The following NSD2 variants were observed in gnomAD, a reference collection of about 807,000 sequenced individuals.
NSD2 encodes the protein nuclear receptor binding SET domain protein 2, also known as histone-lysine N-methyltransferase NSD2.
Under a neutral mutation model 139.0 loss-of-function variants are expected in NSD2, and 12 were observed. The ratio of observed to expected loss-of-function variants is 0.09; its 90% CI spans 0.06 to 0.14. The LOEUF (loss-of-function observed/expected upper bound fraction) is 0.14, where lower values mean the gene tolerates loss of function less well. Ranked by LOEUF, NSD2 falls within the 10% of genes least tolerant of loss-of-function variation. The pLI is 1.00. For synonymous variants in NSD2, 669 were observed against 648.7 expected (o/e 1.03, Z -0.48); for missense variants, 1,155 against 1,745.0 (o/e 0.66, Z 6.02).
chr4:1,940,514 G>C (rs1240683943), intron 9 of NSD2: 1 of 1,064,452 alleles, frequency 9.4e-7, no homozygotes, highest in Non-Finnish European at 1.1e-6. Flanking sequence ...ACACTTTTTT[G>C]TTCGGAGGTA....
intron 1 of NSD2, among the ~76,000 whole-genome samples, chr4:1,875,280 CTT>C (rs749123768): frequency 9.3e-4 from 118 of 126,512 alleles, no homozygotes; most frequent in African/African-American, 1.2e-3. Flanking sequence ...TAGCTTTTTA[CTT>C]TTTTTTTTTT....
Position 1,930,773 on chromosome 4 carries a change from A to G in NSD2, c.1555+3A>G. ...TGTCCAGGCTGAAGAAGACTCTGGT[A>G]AACATAGCATTATGCTGATGTCCTC... On this transcript the variant is annotated splice_donor_region_variant and intron_variant, in intron 6 of 21. Coordinates refer to ENST00000508803, the MANE Select transcript of NSD2 (RefSeq NM_001042424.3). The G allele has an allele frequency of 6.2e-7, 1 of 1,612,494 alleles. No individual in the cohort carries two copies. The highest frequency in any genetic ancestry group is 8.5e-7 in the Non-Finnish European group (1 of 1,179,284).
At chr4:1,964,252 C>T (rs1297883399) in intron 18 of NSD2, among the ~76,000 whole-genome samples, 2 of 152,014 alleles carry the variant, frequency 1.3e-5, no homozygotes, top group Admixed American at 6.6e-5. Flanking sequence ...CAAACAGCAG[C>T]GGAGGTTAAA....
In NSD2 at chr4:1,976,210, T is replaced by G. The variant is rs893478450; in HGVS notation, c.3622-265T>G. On this transcript the variant is annotated intron_variant, in intron 20 of 21. Coordinates refer to ENST00000508803, the MANE Select transcript of NSD2 (RefSeq NM_001042424.3). The surrounding 1 kb of genome is among the most constrained non-coding windows in gnomAD (Gnocchi z 5.3). ...CATCAGCAGATCCTGGAGCTGTGTG[T>G]CTGCTGAGATGCTGCTGAGATGCGT... 3 of 471,522 alleles carry G rather than the reference T, an allele frequency of 6.4e-6. No individual in the cohort carries two copies. Among genetic ancestry groups the G allele is most frequent in the African/African-American group, 5.9e-5 (3 of 50,978 alleles). The allele number at this position is 471,522 out of a possible 1,614,324, so 29.2% of individuals were successfully genotyped here. A position where few individuals can be genotyped will look rare whatever the true frequency, so the allele number is the denominator to read the frequency against.
At chr4:1,964,734 C>G (rs990895460) in intron 18 of NSD2, among the ~76,000 whole-genome samples, 1 of 152,156 alleles carries the variant, frequency 6.6e-6, no homozygotes, top group Non-Finnish European at 1.5e-5. Flanking sequence ...TTGCCCCCCT[C>G]TTTCATTTTT....
chr4:1,942,428 T>C lies in NSD2; in HGVS notation c.1881+2650T>C. ...ATGATGTAATATTCCAGGATGCTGC[T>C]GCAGGTGGCGTATCATCGTACACAC... is the stretch of plus-strand genomic sequence containing the variant. On this transcript the variant is annotated intron_variant, in intron 9 of 21. Transcript: ENST00000508803. The surrounding 1 kb of genome is among the most constrained non-coding windows in gnomAD (Gnocchi z 4.0). 1 of 1,603,622 alleles carries C rather than the reference T, an allele frequency of 6.2e-7. No individual in the cohort carries two copies. Among genetic ancestry groups the C allele is most frequent in the South Asian group, 1.1e-5 (1 of 88,464 alleles).
At chr4:1,940,174 G>T in intron 9 of NSD2, 1 of 1,092,762 alleles carries the variant, frequency 9.2e-7, no homozygotes, top group Non-Finnish European at 1.1e-6. Context: ...ACTGGGTGGG[G>T]TGGAAGGCGA....
At chr4:1,875,570 T>C (rs1714188997) in intron 1 of NSD2, among the ~76,000 whole-genome samples, 1 of 152,128 alleles carries the variant, frequency 6.6e-6, no homozygotes, top group Non-Finnish European at 1.5e-5. Flanking sequence ...TTTTAAAGAA[T>C]TGATTGATTT....
At chr4:1,945,293 C>T in intron 9 of NSD2, 13 of 1,066,058 alleles carry the variant, frequency 1.2e-5, no homozygotes, top group Non-Finnish European at 1.5e-5. Flanking sequence ...GCTGAGCACA[C>T]CACAGGAAAG....
At position 1,978,738 on chromosome 4, in the gene NSD2, C is replaced by T. The variant is rs1577594930; in HGVS notation, c.3927C>T (p.Asp1309=). The T allele has an allele frequency of 9.9e-6, 16 of 1,614,038 alleles. No individual in the cohort carries two copies. Among genetic ancestry groups the T allele is most frequent in the East Asian group, 6.7e-5 (3 of 44,888 alleles). Residue 1309 remains aspartate (D), a synonymous_variant, in exon 22 of 22, where the codon GAC becomes GAT. Coordinates refer to ENST00000508803, the MANE Select transcript of NSD2 (RefSeq NM_001042424.3). ...ATTCGTTCTGTAAGGAGCACCAGGACGGGACAGCCTTCAGCTGCACCCCGG... is the reference window on the plus strand; with the variant it reads ...ATTCGTTCTGTAAGGAGCACCAGGATGGGACAGCCTTCAGCTGCACCCCGG... ...CPNSFCKEHQ[D]GTAFSCTPDG... is the part of the protein sequence containing the mutation.
At chr4:1,977,861 C>CA (rs1301639224) in intron 21 of NSD2, among the ~76,000 whole-genome samples, 1 of 150,660 alleles carries the variant, frequency 6.6e-6, no homozygotes, top group African/African-American at 2.4e-5. Flanking sequence ...CACGGTGGCT[C>CA]ATGCCTCTAA....
intron 6 of NSD2, among the ~76,000 whole-genome samples, chr4:1,931,186 A>C (rs530068396): frequency 1.3e-5 from 2 of 152,064 alleles, no homozygotes. Flanking sequence ...TGCTTCTGAG[A>C]GCAATCCTCC....
intron 5 of NSD2, among the ~76,000 whole-genome samples, chr4:1,926,740 G>A (rs759685528): frequency 1.4e-4 from 21 of 152,030 alleles, no homozygotes; most frequent in Non-Finnish European, 2.6e-4. Context: ...CTAAGTGCTG[G>A]GATTATAGGT....
intron 3 of NSD2, among the ~76,000 whole-genome samples, chr4:1,907,191 G>T (rs1718037084): frequency 6.6e-6 from 1 of 151,874 alleles, no homozygotes. Context: ...TCATGGAAAG[G>T]TCTTAATGCA....
rs946670532 is a variant in NSD2 at position 1,922,951 on chromosome 4, C to T, written c.1410+4328C>T. ...ATAAAAAATAAAATAGCAGTATTCA[C>T]GCAGGGCAGTGATATGGCCCAAGAC... is the stretch of plus-strand genomic sequence containing the variant. On this transcript the variant is annotated intron_variant, in intron 5 of 21. Transcript: ENST00000508803. Among the ~76,000 whole-genome samples the T allele has an allele frequency of 4.6e-5, 7 of 151,906 alleles. No individual in the cohort carries two copies. The East Asian group carries it at 1.2e-3, about 25-fold the overall frequency.
At chr4:1,909,675 C>T (rs1718405468) in intron 3 of NSD2, among the ~76,000 whole-genome samples, 1 of 151,476 alleles carries the variant, frequency 6.6e-6, no homozygotes, top group South Asian at 2.1e-4. Context: ...GAGTCTTGCT[C>T]ACTCGTCCAG....
chr4:1,976,442 T>C lies in NSD2; in HGVS notation c.3622-33T>C. The C allele has an allele frequency of 1.2e-6, 2 of 1,602,492 alleles. No homozygotes were observed. The highest frequency in any genetic ancestry group is 1.7e-6 in the Non-Finnish European group (2 of 1,174,384). On this transcript the variant is annotated intron_variant, in intron 20 of 21. Coordinates refer to ENST00000508803, the MANE Select transcript of NSD2 (RefSeq NM_001042424.3). This position sits in a 1 kb window ranked among gnomAD's most constrained non-coding sequence, Gnocchi z 5.3. Reference sequence around the variant, plus strand: ...TATTTGCTTCAGCCTGTGTAATTCTTTCCGGTGATCTGTGCTTAATTCTTG... The same window carrying C: ...TATTTGCTTCAGCCTGTGTAATTCTCTCCGGTGATCTGTGCTTAATTCTTG...
Position 1,961,181 on chromosome 4 carries a change from C to T in NSD2, c.3372+30C>T, listed in dbSNP as rs775885762. Reference sequence around the variant, plus strand: ...TGCGGAACTCCACTGTGAGCTTCTGCAGTGTGCTGGACCTGGAGCCCTGAT... The same window carrying T: ...TGCGGAACTCCACTGTGAGCTTCTGTAGTGTGCTGGACCTGGAGCCCTGAT... On this transcript the variant is annotated intron_variant, in intron 18 of 21. Coordinates refer to ENST00000508803, the MANE Select transcript of NSD2 (RefSeq NM_001042424.3). 6 of 1,567,498 alleles carry T rather than the reference C, an allele frequency of 3.8e-6. No individual in the cohort carries two copies. The East Asian group carries it at 9.0e-5, about 24-fold the overall frequency.
Position 1,980,818 on chromosome 4 carries a change from C to T in NSD2, c.*1909C>T, listed in dbSNP as rs1420703703. The T allele has an allele frequency of 4.3e-6, 1 of 233,164 alleles. No individual in the cohort carries two copies. Among genetic ancestry groups the T allele is most frequent in the East Asian group, 6.0e-5 (1 of 16,590 alleles). The allele number at this position is 233,164 out of a possible 1,614,324, so 14.4% of individuals were successfully genotyped here. On this transcript the variant is annotated 3_prime_UTR_variant, in exon 22 of 22. Transcript: ENST00000508803. ...TAAGACAGGGTGGGAGTAGTGCTTT[C>T]CAGTTCAGACTCTAACTTCTCCCAA...
Sources: gnomAD v4.1 joint callset for allele counts (sites outside exome capture counted in the v4.1 genomes callset) on GRCh38, gnomAD v4.1.1 for gene constraint, Gnocchi (gnomAD v3.1) non-coding constraint, MANE v1.5 for transcripts, NCBI Gene and HGNC (gene_info 2026-07-23, HGNC 2026-07-21) for gene names.